Variants in BDNF observed in about 807,000 individuals in gnomAD.
The protein encoded by BDNF is brain derived neurotrophic factor, also known as neurotrophic factor BDNF precursor form.
A neutral mutation model predicts 19.5 loss-of-function variants in BDNF; 1 was observed. The ratio of observed to expected loss-of-function variants is 0.05; its 90% CI spans 0.02 to 0.24. BDNF has a LOEUF of 0.24. BDNF is among the 10% of genes least tolerant of loss of function. BDNF has a pLI of 1.00. For synonymous variants in BDNF, 100 were observed against 121.6 expected (o/e 0.82, Z 1.17); for missense variants, 195 against 317.6 (o/e 0.61, Z 2.93).
intron 1 of BDNF, among the ~76,000 whole-genome samples, chr11:27,678,404 A>G (rs1393999730): frequency 6.6e-6 from 1 of 152,234 alleles, no homozygotes; most frequent in Non-Finnish European, 1.5e-5. Flanking sequence ...AAATCTTCCA[A>G]AAGATGGAAT....
At chr11:27,659,855 A>G (rs1853177376) in intron 1 of BDNF, among the ~76,000 whole-genome samples, 1 of 152,220 alleles carries the variant, frequency 6.6e-6, no homozygotes, top group African/African-American at 2.4e-5. Flanking sequence ...ATCTACAAGC[A>G]TGCTCTAGGA....
upstream of BDNF, chr11:27,701,750 A>T: frequency 2.6e-6 from 1 of 380,284 alleles, no homozygotes; most frequent in Non-Finnish European, 3.6e-6. Context: ...CAGCGCATTT[A>T]AAATGATACA....
At chr11:27,693,113 C>T (rs924801636) in intron 1 of BDNF, among the ~76,000 whole-genome samples, 9 of 152,252 alleles carry the variant, frequency 5.9e-5, no homozygotes, top group Middle Eastern at 6.8e-3. Context: ...ACTAATTTAT[C>T]GATGATGTAC....
At position 27,656,201 on chromosome 11, in the gene BDNF, C is replaced by G. The variant is rs1260383139; in HGVS notation, c.*1620G>C. ...AAGATAAACCCTGGTTTCCTCAAGT[C>G]TAGTTTCAAAGCAATAAGTGTTCAG... On this transcript the variant is annotated 3_prime_UTR_variant, in exon 2 of 2. Coordinates refer to ENST00000356660, the MANE Select transcript of BDNF (RefSeq NM_001709.5). The G allele has an allele frequency of 6.6e-6, 1 of 152,152 alleles. No individual in the cohort carries two copies. Among genetic ancestry groups the G allele is most frequent in the African/African-American group, 2.4e-5 (1 of 41,436 alleles). The allele number at this position is 152,152 out of a possible 1,614,324, so 9.4% of individuals were successfully genotyped here.
chr11:27,690,377 T>C (rs921795126), intron 1 of BDNF, among the ~76,000 whole-genome samples: 1 of 152,140 alleles, frequency 6.6e-6, no homozygotes, highest in African/African-American at 2.4e-5. Flanking sequence ...GGTTTGGTAC[T>C]AGAAGAAAAG....
Position 27,655,270 on chromosome 11 carries a change from C to G in BDNF, c.*2551G>C, listed in dbSNP as rs1271477511. The G allele has an allele frequency of 6.6e-6, 1 of 152,530 alleles. No homozygotes were observed. Among genetic ancestry groups the G allele is most frequent in the South Asian group, 2.1e-4 (1 of 4,822 alleles). 9.4% of individuals were successfully genotyped at this position (152,530 alleles called of 1,614,324 possible). ...CAAAACAGAACAAGAACGAACACAA[C>G]AGAGAGAGATTTTAACAAAATAAAT... On this transcript the variant is annotated 3_prime_UTR_variant, in exon 2 of 2. Transcript: ENST00000356660.
intron 1 of BDNF, chr11:27,676,243 C>T (rs1856093290): frequency 6.6e-6 from 1 of 152,186 alleles, no homozygotes; most frequent in Admixed American, 6.5e-5. Flanking sequence ...AGACTGGATA[C>T]AGTCATCAAT....
At chr11:27,715,084 T>C (rs568945327) in intron 1 of BDNF, among the ~76,000 whole-genome samples, 1 of 152,260 alleles carries the variant, frequency 6.6e-6, no homozygotes, top group African/African-American at 2.4e-5. Flanking sequence ...GTAATACAGT[T>C]CCTGGCACAT....
intron 1 of BDNF, among the ~76,000 whole-genome samples, chr11:27,717,862 T>A (rs1590506303): frequency 1.3e-5 from 1 of 79,698 alleles, no homozygotes; most frequent in Non-Finnish European, 2.5e-5. Context: ...ACAAGTTGAG[T>A]GTGTGTGTGT....
intron 1 of BDNF, among the ~76,000 whole-genome samples, chr11:27,712,762 GC>G (rs999670345): frequency 4.1e-5 from 6 of 146,146 alleles, no homozygotes; most frequent in Non-Finnish European, 9.1e-5. Context: ...TGATCCACCC[GC>G]CTTGGCCTCC....
rs530880225 is a variant in BDNF at position 27,694,105 on chromosome 11, G to A, written c.-22+6059C>T. ...TTACCAGAAATTGGCACAAATTTAA[G>A]ATATACTATATTCTACTCCCTGAAG... On this transcript the variant is annotated intron_variant, in intron 1 of 1. Coordinates refer to ENST00000356660, the MANE Select transcript of BDNF (RefSeq NM_001709.5). 3.4e-4 allele frequency among the ~76,000 whole-genome samples: 51 copies of A among 152,114 alleles called. No homozygotes were observed. The East Asian group carries it at 9.1e-3, about 27-fold the overall frequency.
intron 1 of BDNF, among the ~76,000 whole-genome samples, chr11:27,705,902 G>A (rs920216694): frequency 1.3e-5 from 2 of 152,194 alleles, no homozygotes; most frequent in Non-Finnish European, 2.9e-5. Flanking sequence ...ATACATTTTA[G>A]CCCTTTACAT....
upstream of BDNF, chr11:27,700,979 A>C (rs751074725): frequency 3.7e-6 from 5 of 1,360,930 alleles, no homozygotes; most frequent in Non-Finnish European, 4.9e-6. Flanking sequence ...ACCTTCCCGC[A>C]CCTTCCTGCA....
intron 1 of BDNF, among the ~76,000 whole-genome samples, chr11:27,685,313 TTCTA>T (rs1002641565): frequency 2.6e-5 from 4 of 152,058 alleles, no homozygotes; most frequent in East Asian, 3.9e-4. Context: ...CTGGCTAGCA[TTCTA>T]TCTATTTTGT....
At chr11:27,713,494 AC>A (rs1860415343) in intron 1 of BDNF, among the ~76,000 whole-genome samples, 1 of 152,032 alleles carries the variant, frequency 6.6e-6, no homozygotes, top group Admixed American at 6.5e-5. Context: ...TTCTGCAATC[AC>A]CTAATTTGTG....
Position 27,657,735 on chromosome 11 carries a change from TTAACTGAA to T in BDNF, c.*78_*85del. The T allele has an allele frequency of 1.3e-6, 2 of 1,568,350 alleles. No homozygotes were observed. The highest frequency in any genetic ancestry group is 2.3e-5 in the South Asian group (2 of 86,022). ...TGCAGTTCATAAAATTATTTTTTTC[TTAACTGAA>T]TAATTTACCCTGTTATGTATATATA... On this transcript the variant is annotated 3_prime_UTR_variant, in exon 2 of 2. Transcript: ENST00000356660. This position sits in a 1 kb window ranked among gnomAD's most constrained non-coding sequence, Gnocchi z 5.0.
intron 1 of BDNF, chr11:27,697,815 G>C (rs1170620454): frequency 6.6e-6 from 1 of 152,114 alleles, no homozygotes; most frequent in Non-Finnish European, 1.5e-5. Flanking sequence ...GCTATGAAAG[G>C]CTCCAAAGGT....
At chr11:27,685,571 G>A (rs1158904599) in intron 1 of BDNF, among the ~76,000 whole-genome samples, 1 of 152,194 alleles carries the variant, frequency 6.6e-6, no homozygotes, top group South Asian at 2.1e-4. Context: ...TGTTTTAGCT[G>A]TGTCCCAGAG....
Position 27,700,359 on chromosome 11 carries a change from G to T in BDNF, c.-217C>A. 2 of 985,448 alleles carry T rather than the reference G, an allele frequency of 2.0e-6. No individual in the cohort carries two copies. Among genetic ancestry groups the T allele is most frequent in the South Asian group, 4.7e-5 (1 of 21,490 alleles). 61.0% of individuals were successfully genotyped at this position (985,448 alleles called of 1,614,324 possible). A position where few individuals can be genotyped will look rare whatever the true frequency, so the allele number is the denominator to read the frequency against. On this transcript the variant is annotated 5_prime_UTR_variant, in exon 1 of 2. Coordinates refer to ENST00000356660, the MANE Select transcript of BDNF (RefSeq NM_001709.5). ...CCGGGCTGGCTCCTCTGTCCGGCCC[G>T]GGAGCCCGAGGCGCTACGGGGTGCG...
Sources: allele counts gnomAD v4.1 joint callset (sites outside exome capture counted in the v4.1 genomes callset), GRCh38; gene constraint gnomAD v4.1.1; non-coding constraint Gnocchi (gnomAD v3.1); transcripts MANE v1.5; gene names NCBI Gene and HGNC (gene_info 2026-07-23, HGNC 2026-07-21).